NID2: variants seen among roughly 807,000 people sequenced by gnomAD.
NID2 encodes nidogen 2.
NID2 carries 83 observed loss-of-function variants against 145.4 expected under a neutral mutation model. The observed-to-expected ratio is 0.57, with a 90% CI of 0.48 to 0.69. The LOEUF (loss-of-function observed/expected upper bound fraction) is 0.69. NID2 is among the 30% of genes least tolerant of loss of function. NID2 has a pLI of 0.00. For missense variants in NID2, 1,807 were observed against 1,765.7 expected (o/e 1.02, Z -0.42); for synonymous variants, 739 against 701.3 (o/e 1.05, Z -0.85).
In NID2 at chr14:52,005,425, A is replaced by AGAAC; in HGVS notation, c.*60_*61insGTTC. On this transcript the variant is annotated 3_prime_UTR_variant, in exon 22 of 22. Coordinates refer to ENST00000216286, the MANE Select transcript of NID2 (RefSeq NM_007361.4). ...TTTTACTTTCTTTGCCTTTGCAGTC[A>AGAAC]CTGTTCTTTAGGGTCCAGGTTCTGA... The AGAAC allele has an allele frequency of 6.8e-7, 1 of 1,466,798 alleles. No individual in the cohort carries two copies. 90.9% of individuals were successfully genotyped at this position (1,466,798 alleles called of 1,614,324 possible).
At chr14:52,036,306 G>C (rs188593041) in intron 9 of NID2, among the ~76,000 whole-genome samples, 69 of 152,118 alleles carry the variant, frequency 4.5e-4, no homozygotes, top group Admixed American at 1.1e-3. Flanking sequence ...TTCACTTAAG[G>C]TTTTCAGAGT....
intron 6 of NID2, 134 bp from the exon 7 acceptor site, chr14:52,042,484 C>G (rs1892320702): frequency 7.0e-6 from 8 of 1,150,088 alleles, no homozygotes; most frequent in Non-Finnish European, 8.5e-6. Context: ...CCTAACCAAC[C>G]AATTATCCAT....
intron 15 of NID2, 29 bp from the exon 16 acceptor site, chr14:52,014,485 AGG>A (rs757888673): frequency 1.9e-6 from 3 of 1,578,710 alleles, no homozygotes; most frequent in Admixed American, 3.7e-5. Context: ...GAGAGCAGGA[AGG>A]GGAACAAGGG....
chr14:52,063,684 CTT>C (rs1286069551), intron 2 of NID2, among the ~76,000 whole-genome samples: 1 of 152,200 alleles, frequency 6.6e-6, no homozygotes, highest in African/African-American at 2.4e-5. Context: ...ACAAAGTTCT[CTT>C]TGTCATCTTC....
At chr14:52,023,578 G>A (rs1261700860) in intron 12 of NID2, among the ~76,000 whole-genome samples, 4 of 152,150 alleles carry the variant, frequency 2.6e-5, no homozygotes, top group Non-Finnish European at 4.4e-5. Flanking sequence ...TCTGGGTAAT[G>A]GGCCATCTGT....
intron 14 of NID2, among the ~76,000 whole-genome samples, chr14:52,017,776 C>T (rs1248439598): frequency 2.6e-5 from 4 of 152,068 alleles, no homozygotes; most frequent in Admixed American, 6.5e-5. Context: ...TGGATCAAAC[C>T]ATTACCAATT....
Position 52,028,862 on chromosome 14 carries a change from TGAG to T in NID2, c.2402-15_2402-13del, listed in dbSNP as rs1372164539. The T allele has an allele frequency of 6.2e-7, 1 of 1,611,718 alleles. No homozygotes were observed. Among genetic ancestry groups the T allele is most frequent in the African/African-American group, 1.3e-5 (1 of 74,702 alleles). On this transcript the variant is annotated splice_polypyrimidine_tract_variant and intron_variant, in intron 10 of 21. Transcript: ENST00000216286. ...ACATTCATTTTCATCTAAGAAGAAA[TGAG>T]AAGAGAAAAATTCTGCTTAATTCAA... is the stretch of plus-strand genomic sequence containing the variant.
intron 3 of NID2, among the ~76,000 whole-genome samples, chr14:52,056,807 TA>T (rs1334660836): frequency 6.6e-6 from 1 of 151,980 alleles, no homozygotes; most frequent in African/African-American, 2.4e-5. Context: ...AATAAATAAA[TA>T]AAATGCCTAT....
At chr14:52,067,296 T>C (rs1001164497) in intron 2 of NID2, among the ~76,000 whole-genome samples, 5 of 152,200 alleles carry the variant, frequency 3.3e-5, no homozygotes, top group Admixed American at 6.5e-5. Context: ...TTTATTGACA[T>C]TGAAACATAT....
chr14:52,053,904 T>C lies in NID2; in HGVS notation c.1104A>G (p.Gly368=), dbSNP rs1892761692. 1.2e-6 allele frequency: 2 copies of C among 1,613,988 alleles called. No homozygotes were observed. Among genetic ancestry groups the C allele is most frequent in the Non-Finnish European group, 1.7e-6 (2 of 1,179,938 alleles). Residue 368 remains glycine (G), a synonymous_variant, in exon 5 of 22, where the codon GGA becomes GGG. Transcript: ENST00000216286. ...GGCCCCCTACCTCTCCCAGAGATGTTCCTTCTTTGGTGTGAGGATCCAAGG... is the reference window on the plus strand; with the variant it reads ...GGCCCCCTACCTCTCCCAGAGATGTCCCTTCTTTGGTGTGAGGATCCAAGG... ...SSTLDPHTKE[G]TSLGEVGGPD...
At chr14:52,014,040 C>T in intron 16 of NID2, 1 of 558,920 alleles carries the variant, frequency 1.8e-6, no homozygotes, top group Non-Finnish European at 3.2e-6. Context: ...CTAAAGTTCC[C>T]TTTCCATATT....
intron 9 of NID2, among the ~76,000 whole-genome samples, chr14:52,031,640 T>C (rs1891875008): frequency 6.6e-6 from 1 of 152,200 alleles, no homozygotes; most frequent in Admixed American, 6.5e-5. Context: ...CAGTTCTCAC[T>C]ACTCACAGAC....
chr14:52,065,621 A>T (rs1893172785), intron 2 of NID2, among the ~76,000 whole-genome samples: 1 of 121,498 alleles, frequency 8.2e-6, no homozygotes, highest in Non-Finnish European at 1.6e-5. Flanking sequence ...GTCATCTAGC[A>T]TTAGGTATAT....
intron 12 of NID2, 65 bp from the exon 13 acceptor site, chr14:52,020,243 C>G: frequency 6.3e-7 from 1 of 1,597,668 alleles, no homozygotes; most frequent in South Asian, 1.1e-5. Flanking sequence ...ACAATCTGTG[C>G]GACTGCATGG....
At chr14:52,024,770 CA>C (rs1891528544) in intron 12 of NID2, among the ~76,000 whole-genome samples, 1 of 151,822 alleles carries the variant, frequency 6.6e-6, no homozygotes, top group Non-Finnish European at 1.5e-5. Context: ...TTGAAAATGA[CA>C]AAAATAGGGC....
intron 9 of NID2, among the ~76,000 whole-genome samples, chr14:52,036,360 G>A (rs1892069892): frequency 6.6e-6 from 1 of 152,088 alleles, no homozygotes; most frequent in South Asian, 2.1e-4. Flanking sequence ...TCCTTTTTAT[G>A]GTTGAATAAT....
At chr14:52,038,463 G>A (rs2140395723) in intron 9 of NID2, among the ~76,000 whole-genome samples, 1 of 152,218 alleles carries the variant, frequency 6.6e-6, no homozygotes, top group African/African-American at 2.4e-5. Context: ...AGTCTGCCTT[G>A]TTCACAGGTA....
chr14:52,056,961 A>C (rs1019911541), intron 3 of NID2, among the ~76,000 whole-genome samples: 3 of 152,218 alleles, frequency 2.0e-5, no homozygotes, highest in African/African-American at 7.2e-5. Flanking sequence ...GAACTATATA[A>C]TTTATGACCT....
chr14:52,005,397 C>CT lies in NID2; in HGVS notation c.*88dup. 3.0e-6 allele frequency: 4 copies of CT among 1,336,558 alleles called. No homozygotes were observed. The highest frequency in any genetic ancestry group is 4.0e-6 in the Non-Finnish European group (4 of 998,214). The allele number at this position is 1,336,558 out of a possible 1,614,324, so 82.8% of individuals were successfully genotyped here. Reference sequence around the variant, plus strand: ...CTCAGGAACGTCTAATGGCCAATTCCTTTTTTACTTTCTTTGCCTTTGCAG... The same window carrying CT: ...CTCAGGAACGTCTAATGGCCAATTCCTTTTTTTACTTTCTTTGCCTTTGCAG... On this transcript the variant is annotated 3_prime_UTR_variant, in exon 22 of 22. Coordinates refer to ENST00000216286, the MANE Select transcript of NID2 (RefSeq NM_007361.4).
Sources: allele counts gnomAD v4.1 joint callset (sites outside exome capture counted in the v4.1 genomes callset), GRCh38; gene constraint gnomAD v4.1.1; transcripts MANE v1.5; gene names NCBI Gene and HGNC (gene_info 2026-07-23, HGNC 2026-07-21).